TNFRSF10A: variants seen among roughly 807,000 people sequenced by gnomAD.
TNFRSF10A encodes tumor necrosis factor receptor superfamily member 10A.
Under a neutral mutation model 42.8 loss-of-function variants are expected in TNFRSF10A, and 44 were observed. The ratio of observed to expected loss-of-function variants is 1.03; its 90% CI spans 0.81 to 1.32. The LOEUF is 1.32. TNFRSF10A is among the 40% of genes most tolerant of loss of function. TNFRSF10A has a pLI of 0.00. For synonymous variants in TNFRSF10A, 259 were observed against 234.2 expected (o/e 1.11, Z -0.97); for missense variants, 680 against 602.0 (o/e 1.13, Z -1.36).
In TNFRSF10A at chr8:23,200,597, T is replaced by C; in HGVS notation, c.707A>G (p.Asn236Ser). ...CAAAATCACCCATATATTATGTCCA[T>C]TGCCTGAGAAAAGACAGGAAAAGAC... is the stretch of plus-strand genomic sequence containing the variant. ...DIECVHKESG[N>S]GHNIWVILVV... is the part of the protein sequence containing the mutation. Residue 236 changes from asparagine (N) to serine (S), a missense_variant, in exon 6 of 10, where the codon AAT becomes AGT. Physicochemically the swap from Asn to Ser is conservative, Grantham distance 46. Coordinates refer to ENST00000221132, the MANE Select transcript of TNFRSF10A (RefSeq NM_003844.4). 1.2e-6 allele frequency: 2 copies of C among 1,614,150 alleles called. No individual in the cohort carries two copies. The highest frequency in any genetic ancestry group is 1.3e-5 in the African/African-American group (1 of 75,044).
intron 2 of TNFRSF10A, chr8:23,207,180 A>G: frequency 1.7e-6 from 1 of 599,468 alleles, no homozygotes; most frequent in South Asian, 1.4e-5. Context: ...CGACAACAAC[A>G]CACTTGTGTT....
Position 23,215,963 on chromosome 8 carries a change from C to G in TNFRSF10A, c.307-3751G>C, listed in dbSNP as rs537953672. 5.3e-5 allele frequency among the ~76,000 whole-genome samples: 8 copies of G among 152,072 alleles called. No homozygotes were observed. In the East Asian group the frequency reaches 1.5e-3, roughly 29 times the overall value. ...CCTCCGGAGTAGCTGGGATTACAGG[C>G]ATGTGCCACCACGCCTGGCTAATTT... is the stretch of plus-strand genomic sequence containing the variant. On this transcript the variant is annotated intron_variant, in intron 1 of 9. Transcript: ENST00000221132.
intron 1 of TNFRSF10A, among the ~76,000 whole-genome samples, chr8:23,216,525 C>T (rs751308322): frequency 3.3e-5 from 5 of 151,970 alleles, no homozygotes; most frequent in African/African-American, 7.3e-5. Flanking sequence ...GGGTGGATCA[C>T]GAGGTCAGGA....
chr8:23,205,772 G>A lies in TNFRSF10A; in HGVS notation c.404-3011C>T, dbSNP rs531960931. On this transcript the variant is annotated intron_variant, in intron 2 of 9. Transcript: ENST00000221132. ...GTCACCCAGGCTGGAGTGCAGTGGC[G>A]CAATCTCAGCTCACTACAACCTCTG... Among the ~76,000 whole-genome samples the A allele has an allele frequency of 2.4e-3, 357 of 149,300 alleles. 2 individuals are homozygous for A. The highest frequency in any genetic ancestry group is 1.7e-3 in the Non-Finnish European group (118 of 67,662).
chr8:23,206,889 T>A (rs1801021909), intron 2 of TNFRSF10A: 1 of 260,364 alleles, frequency 3.8e-6, no homozygotes, highest in Non-Finnish European at 7.7e-6. Context: ...TTATCAAAAC[T>A]ACTCCTAAAG....
intron 3 of TNFRSF10A, 151 bp downstream of exon 3, chr8:23,202,497 T>C: frequency 1.6e-6 from 1 of 616,306 alleles, no homozygotes; most frequent in South Asian, 1.9e-5. Context: ...TTCTTTCTGT[T>C]TCATTTTATG....
rs1423119255 is a variant in TNFRSF10A, at chr8:23,199,872, A to G, written c.831+14T>C. 1.9e-6 allele frequency: 3 copies of G among 1,614,024 alleles called. No homozygotes were observed. The highest frequency in any genetic ancestry group is 2.5e-6 in the Non-Finnish European group (3 of 1,180,016). ...AGCCCCTGATGCCCCCAGCTCCTGGAGAAATCAACTCACCCTGTCCATGCA... is the reference window on the plus strand; with the variant it reads ...AGCCCCTGATGCCCCCAGCTCCTGGGGAAATCAACTCACCCTGTCCATGCA... On this transcript the variant is annotated intron_variant, in intron 7 of 9. Transcript: ENST00000221132.
At chr8:23,211,260 C>T (rs1801088216) in intron 2 of TNFRSF10A, among the ~76,000 whole-genome samples, 1 of 152,078 alleles carries the variant, frequency 6.6e-6, no homozygotes, top group African/African-American at 2.4e-5. Context: ...TATACACTCA[C>T]AATGAATCCT....
chr8:23,222,791 A>G lies in TNFRSF10A; in HGVS notation c.306+1965T>C, dbSNP rs535288629. Among the ~76,000 whole-genome samples the G allele has an allele frequency of 7.2e-5, 11 of 152,130 alleles. No individual in the cohort carries two copies. The East Asian group carries it at 1.9e-3, about 27-fold the overall frequency. ...TAACCGCCCCCTCCCACATTCCCCC[A>G]GGAGTTGTCAATCTTAGTTCCCCAT... On this transcript the variant is annotated intron_variant, in intron 1 of 9. Transcript: ENST00000221132.
chr8:23,207,519 G>T (rs1286483554), intron 2 of TNFRSF10A: 2 of 341,672 alleles, frequency 5.9e-6, no homozygotes, highest in Non-Finnish European at 1.1e-5. Flanking sequence ...AAAGACAGCA[G>T]AGGAAGGAGC....
chr8:23,221,905 C>A (rs145378694), intron 1 of TNFRSF10A, among the ~76,000 whole-genome samples: 5,706 of 151,588 alleles, frequency 0.038, 350 homozygotes, highest in African/African-American at 0.13. Context: ...GAAACGGAGT[C>A]TCGCTCAGTC....
intron 1 of TNFRSF10A, chr8:23,224,365 A>C: frequency 5.5e-6 from 1 of 182,512 alleles, no homozygotes; most frequent in Non-Finnish European, 1.1e-5. Flanking sequence ...GGAATCAGGG[A>C]GTGGGGAGAA....
intron 1 of TNFRSF10A, among the ~76,000 whole-genome samples, chr8:23,216,757 A>G (rs2128851336): frequency 6.6e-6 from 1 of 151,594 alleles, no homozygotes; most frequent in African/African-American, 2.4e-5. Context: ...AAAAAAAAAG[A>G]AATATTTTGA....
intron 2 of TNFRSF10A, among the ~76,000 whole-genome samples, chr8:23,207,697 T>C (rs1371218186): frequency 1.3e-5 from 2 of 152,128 alleles, no homozygotes; most frequent in African/African-American, 2.4e-5. Context: ...TGAGTAAGTC[T>C]CATAAGATCT....
intron 2 of TNFRSF10A, among the ~76,000 whole-genome samples, chr8:23,209,494 C>T (rs1801063708): frequency 6.6e-6 from 1 of 152,258 alleles, no homozygotes; most frequent in African/African-American, 2.4e-5. Flanking sequence ...GGGCGCTATA[C>T]CTTGCAATGC....
intron 8 of TNFRSF10A, among the ~76,000 whole-genome samples, chr8:23,198,108 A>C (rs1800849881): frequency 6.6e-6 from 1 of 152,062 alleles, no homozygotes; most frequent in South Asian, 2.1e-4. Context: ...GAAGGAGATC[A>C]TTGTCTAGAT....
At position 23,224,988 on chromosome 8, in the gene TNFRSF10A, C is replaced by A; in HGVS notation, c.74G>T (p.Ser25Ile). The change falls in exon 1 of 10, where the codon AGT becomes ATT. Residue 25 changes from serine to isoleucine, a missense_variant. Physicochemically the swap from Ser to Ile is moderately radical, Grantham distance 142. Transcript: ENST00000221132. ...AVTPNPGSAA[S>I]GTEAAAATPS... ...TGTGGCCGCGGCTGCCTCTGTCCCA[C>A]TCGCTGCGCTCCCGGGATTCGGAGT... The A allele has an allele frequency of 6.3e-7, 1 of 1,592,678 alleles. No homozygotes were observed. Among genetic ancestry groups the A allele is most frequent in the Non-Finnish European group, 8.6e-7 (1 of 1,168,516 alleles).
Position 23,200,723 on chromosome 8 carries a change from G to A in TNFRSF10A, c.667C>T (p.Pro223Ser), listed in dbSNP as rs1272253298. 1.2e-6 allele frequency: 2 copies of A among 1,613,408 alleles called. No individual in the cohort carries two copies. Among genetic ancestry groups the A allele is most frequent in the African/African-American group, 1.3e-5 (1 of 74,616 alleles). The change falls in exon 5 of 10, where the codon CCC becomes TCC. Residue 223 changes from proline to serine, a missense_variant. Physicochemically the swap from Pro to Ser is moderately conservative, Grantham distance 74. Transcript: ENST00000221132. ...TGGACACACTCGATGTCACTCCAGG[G>A]CGTACAATCCTTGACCTTGACCATC... ...RGMVKVKDCT[P>S]WSDIECVHKE...
At chr8:23,200,888 T>A in intron 4 of TNFRSF10A, 128 bp from the exon 5 acceptor site, 2 of 882,086 alleles carry the variant, frequency 2.3e-6, no homozygotes, top group Non-Finnish European at 3.7e-6. Context: ...TCTCCTCGTA[T>A]CTGCAGGGGG....
Sources: allele counts gnomAD v4.1 joint callset (sites outside exome capture counted in the v4.1 genomes callset), GRCh38; gene constraint gnomAD v4.1.1; transcripts MANE v1.5; gene names NCBI Gene and HGNC (gene_info 2026-07-23, HGNC 2026-07-21).